SCD5: variants seen among roughly 807,000 people sequenced by gnomAD.
SCD5 encodes stearoyl-CoA desaturase 5.
In SCD5, 20 loss-of-function variants were observed where a neutral mutation model predicts 30.4. The observed-to-expected ratio is 0.66, with a 90% CI of 0.46 to 0.96. SCD5 has a LOEUF of 0.96. Ranked by LOEUF, SCD5 falls within the 40% of genes least tolerant of loss-of-function variation. SCD5 has a pLI of 0.00. For synonymous variants in SCD5, 173 were observed against 176.4 expected, an observed-to-expected ratio of 0.98 and a Z score of 0.16; for missense variants, 381 against 443.3, an observed-to-expected ratio of 0.86 and a Z score of 1.26.
chr4:82,642,388 A>G (rs1172174932), intron 3 of SCD5, among the ~76,000 whole-genome samples: 2 of 152,192 alleles, frequency 1.3e-5, no homozygotes, highest in Non-Finnish European at 2.9e-5. Context: ...ACCTGGCCCC[A>G]TAAGTTGCAT....
intron 1 of SCD5, among the ~76,000 whole-genome samples, chr4:82,709,033 C>T (rs4693492): frequency 0.94 from 143,502 of 152,216 alleles, 67,767 homozygotes; most frequent in East Asian, 1. Flanking sequence ...CTCCATCTTA[C>T]AGATGAAGAA....
intron 1 of SCD5, among the ~76,000 whole-genome samples, chr4:82,727,205 G>A (rs1720520827): frequency 6.6e-6 from 1 of 152,168 alleles, no homozygotes; most frequent in Admixed American, 6.5e-5. Context: ...GGGGATTCGG[G>A]TGTAACAATG....
At chr4:82,770,295 T>C (rs911550504) in intron 1 of SCD5, among the ~76,000 whole-genome samples, 1 of 152,126 alleles carries the variant, frequency 6.6e-6, no homozygotes, top group Non-Finnish European at 1.5e-5. Context: ...CACACCCCAA[T>C]TTATAAGAGA....
chr4:82,743,483 T>C (rs1006429419), intron 1 of SCD5, among the ~76,000 whole-genome samples: 9 of 152,144 alleles, frequency 5.9e-5, no homozygotes, highest in Non-Finnish European at 1.2e-4. Context: ...GCCACTGCAC[T>C]TCAGCCTATT....
chr4:82,794,271 G>A (rs1722160716), intron 1 of SCD5, among the ~76,000 whole-genome samples: 1 of 152,200 alleles, frequency 6.6e-6, no homozygotes, highest in South Asian at 2.1e-4. Context: ...ATCTATCAAA[G>A]GAAACAGGGA....
chr4:82,666,207 TG>T (rs1158382926), intron 3 of SCD5, among the ~76,000 whole-genome samples: 2 of 152,232 alleles, frequency 1.3e-5, no homozygotes, highest in Non-Finnish European at 2.9e-5. Flanking sequence ...CAAGAAGAGC[TG>T]TTTTCTCTGA....
chr4:82,652,726 A>C (rs750226708), intron 3 of SCD5, among the ~76,000 whole-genome samples: 1 of 152,264 alleles, frequency 6.6e-6, no homozygotes, highest in African/African-American at 2.4e-5. Context: ...ATGTAGACTT[A>C]TACTGGGCTT....
rs1728744292 is a variant in SCD5, at chr4:82,687,815, AC to A, written c.364-6904del. 5.3e-5 allele frequency among the ~76,000 whole-genome samples: 8 copies of A among 152,356 alleles called. 1 individual carries two copies. The highest frequency in any genetic ancestry group is 4.6e-4 in the Admixed American group (7 of 15,304). On this transcript the variant is annotated intron_variant, in intron 2 of 4. Transcript: ENST00000319540. ...GTCCACCGAAAAGAGGTATGAAGCA[AC>A]CTGCTCCTTCAGAACTACTCCCCAG... is the stretch of plus-strand genomic sequence containing the variant.
intron 3 of SCD5, among the ~76,000 whole-genome samples, chr4:82,637,074 G>A (rs1213439384): frequency 6.6e-6 from 1 of 152,172 alleles, no homozygotes. Context: ...AGGCCCTGTG[G>A]CATACCTCAG....
At chr4:82,759,742 A>T (rs1052358850) in intron 1 of SCD5, among the ~76,000 whole-genome samples, 3 of 151,726 alleles carry the variant, frequency 2.0e-5, no homozygotes, top group African/African-American at 7.3e-5. Flanking sequence ...CCTTCATTGT[A>T]CAAAGTAAGT....
chr4:82,701,744 C>T (rs557027586), intron 2 of SCD5, among the ~76,000 whole-genome samples: 2 of 152,172 alleles, frequency 1.3e-5, no homozygotes, highest in East Asian at 3.9e-4. Flanking sequence ...TGCCTCATTA[C>T]CATGACTTGA....
At chr4:82,745,709 G>C (rs987545693) in intron 1 of SCD5, among the ~76,000 whole-genome samples, 2 of 152,120 alleles carry the variant, frequency 1.3e-5, no homozygotes, top group Non-Finnish European at 2.9e-5. Context: ...CCATTATAAA[G>C]TGGTGAGATC....
At chr4:82,757,650 G>A (rs190153042) in intron 1 of SCD5, among the ~76,000 whole-genome samples, 4 of 152,242 alleles carry the variant, frequency 2.6e-5, no homozygotes, top group East Asian at 3.9e-4. Context: ...CACATATCCC[G>A]GCTCCCGCAC....
chr4:82,741,099 ATTTTTTT>A (rs34852290), intron 1 of SCD5, among the ~76,000 whole-genome samples: 4 of 139,248 alleles, frequency 2.9e-5, no homozygotes, highest in South Asian at 2.4e-4. Flanking sequence ...GTGCCAGCTA[ATTTTTTT>A]TTTTTTTTTT....
rs201875334 is a variant in SCD5, at chr4:82,664,352, C to T, written c.569+16355G>A. On this transcript the variant is annotated intron_variant, in intron 3 of 4. Coordinates refer to ENST00000319540, the MANE Select transcript of SCD5 (RefSeq NM_001037582.3). ...TGAAAGAAAAAGAGATGTGCCCATG[C>T]TCAAGCATAAATAATATTTACCTTG... 7.2e-5 allele frequency among the ~76,000 whole-genome samples: 11 copies of T among 152,312 alleles called. No homozygotes were observed. In the East Asian group the frequency reaches 2.1e-3, roughly 29 times the overall value.
intron 1 of SCD5, among the ~76,000 whole-genome samples, chr4:82,781,284 C>T (rs1400935951): frequency 7.9e-5 from 12 of 152,048 alleles, no homozygotes; most frequent in Non-Finnish European, 1.6e-4. Flanking sequence ...GGCGTGGCGG[C>T]GTGCTCCTGT....
chr4:82,669,347 T>A (rs1157821386), intron 3 of SCD5, among the ~76,000 whole-genome samples: 1 of 150,510 alleles, frequency 6.6e-6, no homozygotes, highest in Non-Finnish European at 1.5e-5. Flanking sequence ...AGTTTCCGGT[T>A]CCACATGAAG....
intron 4 of SCD5, among the ~76,000 whole-genome samples, chr4:82,635,619 T>TAA (rs3972726): frequency 0.67 from 76,382 of 114,296 alleles, 26,525 homozygotes; most frequent in Middle Eastern, 0.76. Flanking sequence ...GACTCCGTCT[T>TAA]AAAAAAAAAA....
At position 82,648,433 on chromosome 4, in the gene SCD5, A is replaced by G. The variant is rs1727675183; in HGVS notation, c.570-11610T>C. Among the ~76,000 whole-genome samples, 3 of 152,374 alleles carry G rather than the reference A, an allele frequency of 2.0e-5. No individual in the cohort carries two copies. In the East Asian group the frequency reaches 5.8e-4, roughly 29 times the overall value. On this transcript the variant is annotated intron_variant, in intron 3 of 4. Coordinates refer to ENST00000319540, the MANE Select transcript of SCD5 (RefSeq NM_001037582.3). ...AGAGAGGTGCTCAGAGCAAATGGCCAAATGCCCTAGGACAGAGGAAGTCCA... is the reference window on the plus strand; with the variant it reads ...AGAGAGGTGCTCAGAGCAAATGGCCGAATGCCCTAGGACAGAGGAAGTCCA...
Sources: gnomAD v4.1 joint callset for allele counts (sites outside exome capture counted in the v4.1 genomes callset) on GRCh38, gnomAD v4.1.1 for gene constraint, MANE v1.5 for transcripts, NCBI Gene and HGNC (gene_info 2026-07-23, HGNC 2026-07-21) for gene names.